MRM1: variants seen among roughly 807,000 people sequenced by gnomAD.
The protein encoded by MRM1 is rRNA methyltransferase 1, mitochondrial.
Under a neutral mutation model 25.0 loss-of-function variants are expected in MRM1, and 24 were observed. The observed-to-expected ratio is 0.96, with a 90% confidence interval of 0.69 to 1.35. MRM1 has a LOEUF of 1.35. Among genes scored for constraint, MRM1 ranks in the 40% most tolerant of loss-of-function variants. MRM1 has a pLI of 0.00. For synonymous variants in MRM1, 188 were observed against 199.2 expected (o/e 0.94, Z 0.47); for missense variants, 431 against 464.1 (o/e 0.93, Z 0.65).
At position 36,602,739 on chromosome 17, in the gene MRM1, G is replaced by A; in HGVS notation, c.636+93G>A. On this transcript the variant is annotated intron_variant, in intron 2 of 4. Coordinates refer to ENST00000614766, the MANE Select transcript of MRM1 (RefSeq NM_024864.5). The surrounding 1 kb of genome is among the most constrained non-coding windows in gnomAD (Gnocchi z 4.1). The stretch of plus-strand genomic sequence containing the variant: ...AGCCCCTGGCGAGGGAGAGAAAGGG[G>A]CATGTTGGCACCGCTTCCTTTGGCC... 4 of 1,467,830 alleles carry A rather than the reference G, an allele frequency of 2.7e-6. No homozygotes were observed. Among genetic ancestry groups the A allele is most frequent in the Non-Finnish European group, 3.8e-6 (4 of 1,056,386 alleles). 90.9% of individuals were successfully genotyped at this position (1,467,830 alleles called of 1,614,324 possible). A position where few individuals can be genotyped will look rare whatever the true frequency, so the allele number is the denominator to read the frequency against.
At position 36,602,360 on chromosome 17, in the gene MRM1, C is replaced by T; in HGVS notation, c.542+8C>T. On this transcript the variant is annotated splice_region_variant and intron_variant, in intron 1 of 4. Coordinates refer to ENST00000614766, the MANE Select transcript of MRM1 (RefSeq NM_024864.5). The surrounding 1 kb of genome is among the most constrained non-coding windows in gnomAD (Gnocchi z 4.1). ...CACCAGCCGGAGAAACAGGCACGGA[C>T]GTCCCTCATTCTCTATGTGCCCCAA... 2 of 1,553,784 alleles carry T rather than the reference C, an allele frequency of 1.3e-6. No individual in the cohort carries two copies. The highest frequency in any genetic ancestry group is 1.7e-6 in the Non-Finnish European group (2 of 1,146,968).
the MRM1 span, among the ~76,000 whole-genome samples, chr17:36,624,787 T>C: frequency 0.43 from 64,902 of 151,900 alleles, 14,670 homozygotes; most frequent in African/African-American, 0.58. This position sits in a 1 kb window ranked among gnomAD's most constrained non-coding sequence, Gnocchi z 4.0. Flanking sequence ...TCTTGTAGCA[T>C]AGGGATAATT....
At chr17:36,622,971 A>G in the MRM1 span, among the ~76,000 whole-genome samples, 1 of 152,222 alleles carries the variant, frequency 6.6e-6, no homozygotes, top group Non-Finnish European at 1.5e-5. Flanking sequence ...TGCGATCCTG[A>G]ATTGGCCCTC....
chr17:36,615,245 C>T, the MRM1 span, among the ~76,000 whole-genome samples: 1 of 152,236 alleles, frequency 6.6e-6, no homozygotes, highest in Non-Finnish European at 1.5e-5. Context: ...TTCTCCTGCC[C>T]TCTCTGCAGT....
At chr17:36,629,750 C>A in the MRM1 span, among the ~76,000 whole-genome samples, 2 of 152,060 alleles carry the variant, frequency 1.3e-5, no homozygotes, top group Non-Finnish European at 2.9e-5. Context: ...CATCAGCAGG[C>A]CCTGGTGGGG....
chr17:36,613,736 A>C (rs970889874), downstream of MRM1, among the ~76,000 whole-genome samples: 11 of 151,862 alleles, frequency 7.2e-5, no homozygotes, highest in African/African-American at 2.4e-4. Flanking sequence ...TCTGAACTTC[A>C]AGGATGTGTA....
At chr17:36,610,115 A>G (rs1376005028), downstream of MRM1, among the ~76,000 whole-genome samples, 1 of 150,802 alleles carries the variant, frequency 6.6e-6, no homozygotes, top group Non-Finnish European at 1.5e-5. Context: ...TTTGGTAGAG[A>G]TGGGGTTTCA....
downstream of MRM1, among the ~76,000 whole-genome samples, chr17:36,610,975 A>G (rs11263773): frequency 0.5 from 75,909 of 152,000 alleles, 20,940 homozygotes; most frequent in African/African-American, 0.75. Flanking sequence ...CACCACACCC[A>G]GCTAAGTTTT....
chr17:36,620,542 G>A, the MRM1 span, among the ~76,000 whole-genome samples: 1 of 152,222 alleles, frequency 6.6e-6, no homozygotes, highest in Non-Finnish European at 1.5e-5. Flanking sequence ...GGATACCTTG[G>A]AGGTAGTGAG....
Position 36,602,101 on chromosome 17 carries a change from TC to T in MRM1, c.293del (p.Pro98GlnfsTer26), listed in dbSNP as rs745579236. On this transcript the variant is annotated frameshift_variant, in exon 1 of 5. Coordinates refer to ENST00000614766, the MANE Select transcript of MRM1 (RefSeq NM_024864.5). LOFTEE classifies it high-confidence loss of function. The surrounding 1 kb of genome is among the most constrained non-coding windows in gnomAD (Gnocchi z 4.1). ...LLRMAEARDIPVLRPRRQKLD... is the reference protein window; with the variant it reads ...LLRMAEARDIXVLRPRRQKLD... ...TCCGGATGGCCGAGGCGCGGGACAT[TC>T]CAGTTCTGCGGCCCAGACGGCAGAA... 75 of 1,611,516 alleles carry T rather than the reference TC, an allele frequency of 4.7e-5. No homozygotes were observed. In the Admixed American group the frequency reaches 1.2e-3, roughly 26 times the overall value.
downstream of MRM1, among the ~76,000 whole-genome samples, chr17:36,610,050 C>T (rs1406078916): frequency 1.3e-5 from 2 of 151,418 alleles, no homozygotes; most frequent in Non-Finnish European, 2.9e-5. Context: ...CTCAGCCTTC[C>T]AAGTGGCTGG....
chr17:36,613,608 A>T (rs2074990056), downstream of MRM1, among the ~76,000 whole-genome samples: 1 of 152,112 alleles, frequency 6.6e-6, no homozygotes, highest in African/African-American at 2.4e-5. Context: ...GCCCCTTCTC[A>T]GTGTACACAT....
the MRM1 span, among the ~76,000 whole-genome samples, chr17:36,624,729 C>G: frequency 6.6e-6 from 1 of 152,240 alleles, no homozygotes; most frequent in South Asian, 2.1e-4. The surrounding 1 kb of genome is among the most constrained non-coding windows in gnomAD (Gnocchi z 4.0). Flanking sequence ...GACTTGTGTC[C>G]CGGCCCTGGG....
chr17:36,633,852 T>C, the MRM1 span, among the ~76,000 whole-genome samples: 1 of 152,332 alleles, frequency 6.6e-6, no homozygotes, highest in Non-Finnish European at 1.5e-5. Context: ...TCTCTCTGCC[T>C]CTGATTCTCT....
chr17:36,602,102 C>G lies in MRM1; in HGVS notation c.292C>G (p.Pro98Ala), dbSNP rs60978234. 6.2e-7 allele frequency: 1 copy of G among 1,611,496 alleles called. No individual in the cohort carries two copies. Among genetic ancestry groups the G allele is most frequent in the Non-Finnish European group, 8.5e-7 (1 of 1,179,808 alleles). ...LLRMAEARDI[P>A]VLRPRRQKLD... ...CCGGATGGCCGAGGCGCGGGACATT[C>G]CAGTTCTGCGGCCCAGACGGCAGAA... Residue 98 changes from proline (P) to alanine (A), a missense_variant, in exon 1 of 5, where the codon CCA (proline) becomes GCA (alanine). Physicochemically the swap from Pro to Ala is conservative, Grantham distance 27 (BLOSUM62 -1). Transcript: ENST00000614766. This position sits in a 1 kb window ranked among gnomAD's most constrained non-coding sequence, Gnocchi z 4.1.
chr17:36,615,614 G>A, the MRM1 span, among the ~76,000 whole-genome samples: 20 of 147,844 alleles, frequency 1.4e-4, no homozygotes, highest in Non-Finnish European at 2.5e-4. Flanking sequence ...AGCTGAGATC[G>A]CGCTATTGCA....
the MRM1 span, among the ~76,000 whole-genome samples, chr17:36,621,970 A>AT: frequency 6.6e-6 from 1 of 150,602 alleles, no homozygotes. Context: ...GTGTCTTTCC[A>AT]TTTCTGCATC....
Position 36,608,209 on chromosome 17 carries a change from C to T in MRM1, c.890-34C>T, listed in dbSNP as rs763296455. 3.3e-6 allele frequency: 5 copies of T among 1,537,758 alleles called. 1 individual carries two copies. Among genetic ancestry groups the T allele is most frequent in the East Asian group, 4.5e-5 (2 of 44,064 alleles). On this transcript the variant is annotated intron_variant, in intron 4 of 4. Transcript: ENST00000614766. ...GTCTCTAAACATCATCCTTCTCCTC[C>T]GTCCTCTCTTCCCTTGTCCTTGTGT... is the stretch of plus-strand genomic sequence containing the variant.
intron 2 of MRM1, among the ~76,000 whole-genome samples, chr17:36,605,782 G>A (rs542409022): frequency 3.5e-4 from 53 of 151,848 alleles, no homozygotes; most frequent in Middle Eastern, 3.4e-3. Flanking sequence ...AGTTATTTCC[G>A]TATTATCACC....
Sources: allele counts gnomAD v4.1 joint callset (sites outside exome capture counted in the v4.1 genomes callset), GRCh38; gene constraint gnomAD v4.1.1; non-coding constraint Gnocchi (gnomAD v3.1); transcripts MANE v1.5; gene names NCBI Gene and HGNC (gene_info 2026-07-23, HGNC 2026-07-21).